Variants in PTBP2 observed in about 807,000 individuals in gnomAD.
PTBP2 encodes the protein polypyrimidine tract-binding protein 2.
PTBP2 carries 13 observed loss-of-function variants against 61.4 expected under a neutral mutation model. The observed-to-expected ratio is 0.21, with a 90% confidence interval of 0.14 to 0.34. The LOEUF is 0.34. PTBP2 is among the 10% of genes least tolerant of loss of function. PTBP2 has a pLI of 1.00. For synonymous variants in PTBP2, 215 were observed against 218.5 expected, an observed-to-expected ratio of 0.98 and a Z score of 0.14; for missense variants, 405 against 642.6, an observed-to-expected ratio of 0.63 and a Z score of 4.00.
rs568579753 is a variant in PTBP2, at chr1:96,723,389, A to G, written c.9-175A>G. ...ATTTGAAAGTTACTTTTAGAAAACC[A>G]GGTTGGTAACAGTACAGGTAAGTCA... On this transcript the variant is annotated intron_variant, in intron 1 of 13. Transcript: ENST00000674951. 2.0e-5 allele frequency among the ~76,000 whole-genome samples: 3 copies of G among 152,350 alleles called. No homozygotes were observed. In the East Asian group the frequency reaches 5.8e-4, roughly 29 times the overall value.
chr1:96,748,276 A>G (rs1218033155), intron 2 of PTBP2, among the ~76,000 whole-genome samples: 1 of 152,160 alleles, frequency 6.6e-6, no homozygotes, highest in Non-Finnish European at 1.5e-5. Context: ...TTCTTCGCAG[A>G]CCTGGCAGCT....
chr1:96,760,612 A>AT (rs1331218113), intron 3 of PTBP2, among the ~76,000 whole-genome samples: 1 of 151,702 alleles, frequency 6.6e-6, no homozygotes, highest in African/African-American at 2.4e-5. Flanking sequence ...CACCCGGCTA[A>AT]TTTTTTGTAT....
intron 1 of PTBP2, among the ~76,000 whole-genome samples, chr1:96,723,347 A>G (rs1282998148): frequency 6.6e-6 from 1 of 152,164 alleles, no homozygotes; most frequent in African/African-American, 2.4e-5. Context: ...GTTAAAAAAT[A>G]CCACAAGTTG....
At chr1:96,782,563 A>G (rs889737035) in intron 7 of PTBP2, among the ~76,000 whole-genome samples, 1 of 152,150 alleles carries the variant, frequency 6.6e-6, no homozygotes, top group Non-Finnish European at 1.5e-5. Context: ...TGCATAATCT[A>G]CCAGGGTGGG....
At chr1:96,749,054 C>T (rs905088015) in intron 2 of PTBP2, among the ~76,000 whole-genome samples, 56 of 151,846 alleles carry the variant, frequency 3.7e-4, no homozygotes, top group African/African-American at 1.2e-3. Context: ...CCTCTCTTAA[C>T]GGCAGGTATG....
At chr1:96,751,243 C>T (rs1377294850) in intron 2 of PTBP2, 182 bp from the exon 3 acceptor site, 1 of 678,972 alleles carries the variant, frequency 1.5e-6, no homozygotes, top group Non-Finnish European at 2.7e-6. Context: ...ACACTGTTGC[C>T]TTTGTGAGAA....
At chr1:96,733,721 T>C (rs1200740920) in intron 2 of PTBP2, among the ~76,000 whole-genome samples, 1 of 152,082 alleles carries the variant, frequency 6.6e-6, no homozygotes, top group East Asian at 1.9e-4. Context: ...AGTTGACCCT[T>C]GAACAACATG....
downstream of PTBP2, chr1:96,817,965 T>A (rs1662545138): frequency 6.6e-6 from 1 of 152,098 alleles, no homozygotes. Flanking sequence ...TTAACCAATT[T>A]TTAACAAGGA....
At chr1:96,787,724 G>A (rs374297685) in intron 8 of PTBP2, among the ~76,000 whole-genome samples, 1 of 152,130 alleles carries the variant, frequency 6.6e-6, no homozygotes, top group Admixed American at 6.5e-5. Context: ...CTCTGTATTT[G>A]CAGATTTGCA....
intron 3 of PTBP2, among the ~76,000 whole-genome samples, chr1:96,766,215 A>G (rs1274655413): frequency 2.0e-5 from 3 of 152,356 alleles, no homozygotes; most frequent in Non-Finnish European, 2.9e-5. Flanking sequence ...CCGTGATTAC[A>G]TGAACATCTT....
intron 8 of PTBP2, among the ~76,000 whole-genome samples, chr1:96,786,870 G>A (rs1659264955): frequency 6.6e-6 from 1 of 152,116 alleles, no homozygotes; most frequent in Non-Finnish European, 1.5e-5. Flanking sequence ...CCCTACTGAG[G>A]TGTGTGTATT....
At chr1:96,734,465 T>G (rs1285532145) in intron 2 of PTBP2, among the ~76,000 whole-genome samples, 1 of 140,310 alleles carries the variant, frequency 7.1e-6, no homozygotes, top group Non-Finnish European at 1.5e-5. Context: ...TTTTATAGGG[T>G]TTTTTTTTTT....
chr1:96,766,454 A>C (rs953434472), intron 3 of PTBP2, among the ~76,000 whole-genome samples: 4 of 152,190 alleles, frequency 2.6e-5, no homozygotes, highest in African/African-American at 9.7e-5. Flanking sequence ...TCATTCCCCC[A>C]GTAAACCTTT....
intron 2 of PTBP2, among the ~76,000 whole-genome samples, chr1:96,736,839 G>A (rs538147762): frequency 6.6e-6 from 1 of 151,914 alleles, no homozygotes; most frequent in Non-Finnish European, 1.5e-5. Flanking sequence ...ACCACACCTG[G>A]CTAATTTTTG....
intron 8 of PTBP2, among the ~76,000 whole-genome samples, chr1:96,804,499 T>C (rs1234810430): frequency 6.6e-6 from 1 of 152,212 alleles, no homozygotes; most frequent in African/African-American, 2.4e-5. Flanking sequence ...CTTGGAATTA[T>C]ATTTTTCATG....
At chr1:96,808,197 A>G (rs1442717607) in intron 11 of PTBP2, among the ~76,000 whole-genome samples, 3 of 151,862 alleles carry the variant, frequency 2.0e-5, no homozygotes, top group African/African-American at 7.3e-5. Flanking sequence ...TAATATTTTA[A>G]TTTTTTGCCA....
intron 5 of PTBP2, among the ~76,000 whole-genome samples, chr1:96,773,942 G>C (rs1374659186): frequency 2.1e-5 from 3 of 140,684 alleles, no homozygotes; most frequent in East Asian, 4.3e-4. Context: ...CAGCCTGGGC[G>C]ACAGAGCGAG....
intron 2 of PTBP2, among the ~76,000 whole-genome samples, chr1:96,747,087 C>G (rs1293397474): frequency 6.6e-6 from 1 of 151,498 alleles, no homozygotes; most frequent in Non-Finnish European, 1.5e-5. Flanking sequence ...CTTTCTCCCT[C>G]CCCCCACCAC....
intron 2 of PTBP2, among the ~76,000 whole-genome samples, chr1:96,745,454 G>A (rs937180460): frequency 9.9e-5 from 15 of 152,050 alleles, no homozygotes; most frequent in African/African-American, 3.6e-4. Context: ...GAGCTACTGC[G>A]CCCAGCCCAA....
Sources: allele counts gnomAD v4.1 joint callset (sites outside exome capture counted in the v4.1 genomes callset), GRCh38; gene constraint gnomAD v4.1.1; transcripts MANE v1.5; gene names NCBI Gene and HGNC (gene_info 2026-07-23, HGNC 2026-07-21).